TTLL5: variants seen among roughly 807,000 people sequenced by gnomAD.
TTLL5 encodes the protein tubulin polyglutamylase TTLL5.
Under a neutral mutation model 168.4 loss-of-function variants are expected in TTLL5, and 132 were observed. That is an observed-to-expected ratio of 0.78 (90% CI 0.68 to 0.91). The LOEUF (loss-of-function observed/expected upper bound fraction) is 0.91, where lower values mean the gene tolerates loss of function less well. Ranked by LOEUF, TTLL5 falls within the 40% of genes least tolerant of loss-of-function variation. TTLL5 has a pLI of 0.00. For missense variants in TTLL5, 1,545 were observed against 1,581.5 expected, an observed-to-expected ratio of 0.98 and a Z score of 0.39; for synonymous variants, 546 against 558.6, an observed-to-expected ratio of 0.98 and a Z score of 0.32.
At chr14:75,708,097 T>A (rs1477850517) in intron 9 of TTLL5, among the ~76,000 whole-genome samples, 1 of 152,214 alleles carries the variant, frequency 6.6e-6, no homozygotes, top group Non-Finnish European at 1.5e-5. Context: ...TACCTGTATT[T>A]GCCTATTATA....
intron 9 of TTLL5, among the ~76,000 whole-genome samples, chr14:75,715,541 A>C (rs905026760): frequency 6.6e-6 from 1 of 152,162 alleles, no homozygotes; most frequent in South Asian, 2.1e-4. Context: ...ATAAGCTCTT[A>C]CTGGGGTAGG....
chr14:75,689,352 C>T (rs1885286985), intron 5 of TTLL5: 1 of 152,218 alleles, frequency 6.6e-6, no homozygotes, highest in African/African-American at 2.4e-5. Flanking sequence ...TTCCTGGCCC[C>T]AGAAACTATG....
intron 15 of TTLL5, among the ~76,000 whole-genome samples, chr14:75,740,443 A>C (rs1204167930): frequency 6.6e-6 from 1 of 152,006 alleles, no homozygotes; most frequent in African/African-American, 2.4e-5. Context: ...CTAAACTGGT[A>C]CCTCCTCAGT....
Position 75,820,061 on chromosome 14 carries a change from C to T in TTLL5, c.3226C>T (p.Pro1076Ser). The T allele has an allele frequency of 1.9e-6, 3 of 1,607,876 alleles. No individual in the cohort carries two copies. The highest frequency in any genetic ancestry group is 1.7e-6 in the Non-Finnish European group (2 of 1,177,434). ...GIINRSSASA[P>S]PTLRPIISPS... Reference sequence around the variant, plus strand: ...CATAAACAGAAGCAGTGCTTCAGCTCCCCCAACCCTCCGACCCATCATCAG... The same window carrying T: ...CATAAACAGAAGCAGTGCTTCAGCTTCCCCAACCCTCCGACCCATCATCAG... Residue 1076 changes from proline (P) to serine (S), a missense_variant, in exon 28 of 32, where the codon CCC becomes TCC. Transcript: ENST00000298832.
chr14:75,925,162 A>C (rs2140149313), intron 31 of TTLL5, among the ~76,000 whole-genome samples: 1 of 128,996 alleles, frequency 7.8e-6, no homozygotes, highest in Non-Finnish European at 1.6e-5. Flanking sequence ...TCCCTCCCGG[A>C]CGGGGCGGCT....
intron 1 of TTLL5, 190 bp downstream of exon 1, chr14:75,661,577 T>TTGGGGTGAGC (rs1240377660): frequency 2.0e-5 from 3 of 152,272 alleles, no homozygotes; most frequent in African/African-American, 7.2e-5. Flanking sequence ...CTACGTGGGA[T>TTGGGGTGAGC]TGGGGTGAGC....
At chr14:75,880,138 GGAGA>G (rs58469251) in intron 29 of TTLL5, among the ~76,000 whole-genome samples, 7 of 150,516 alleles carry the variant, frequency 4.7e-5, no homozygotes, top group Admixed American at 2.0e-4. Context: ...GCAGATACTA[GGAGA>G]GAGAGAGAGA....
Position 75,867,768 on chromosome 14 carries a change from A to G in TTLL5, c.3522+3906A>G, listed in dbSNP as rs149533584. ...GATTGAGACTGTCTCCAAAAAAAAAAAAAAAGCAAAAAAAAAATTTCAGGA... is the reference window on the plus strand; with the variant it reads ...GATTGAGACTGTCTCCAAAAAAAAAGAAAAAGCAAAAAAAAAATTTCAGGA... On this transcript the variant is annotated intron_variant, in intron 29 of 31. Transcript: ENST00000298832. Among the ~76,000 whole-genome samples, 38 of 152,142 alleles carry G rather than the reference A, an allele frequency of 2.5e-4. No individual in the cohort carries two copies. In the East Asian group the frequency reaches 7.1e-3, roughly 29 times the overall value.
chr14:75,820,202 G>A, intron 28 of TTLL5, 41 bp downstream of exon 28: 1 of 1,524,968 alleles, frequency 6.6e-7, no homozygotes. Context: ...GGTTACTCAG[G>A]GATGGCCTGT....
At chr14:75,897,292 A>T (rs939856535) in intron 30 of TTLL5, among the ~76,000 whole-genome samples, 3 of 152,166 alleles carry the variant, frequency 2.0e-5, no homozygotes, top group Non-Finnish European at 4.4e-5. Context: ...CCAGCTGTGA[A>T]CATGTCCCAA....
intron 14 of TTLL5, 93 bp downstream of exon 14, chr14:75,734,143 C>A: frequency 8.4e-7 from 1 of 1,189,204 alleles, no homozygotes; most frequent in South Asian, 1.2e-5. Context: ...ACTGGCAGGT[C>A]CTAAGCCATG....
chr14:75,779,581 T>C lies in TTLL5; in HGVS notation c.2394T>C (p.Ala798=), dbSNP rs1891924947. The change falls in exon 24 of 32, where the codon GCT becomes GCC. Residue 798 remains alanine, a synonymous_variant. Coordinates refer to ENST00000298832, the MANE Select transcript of TTLL5 (RefSeq NM_015072.5). ...CTTTTTCTCCTCATTTCAGTGAGGC[T>C]GAACTGGAGGAGGTGTTGACTTTTT... is the stretch of plus-strand genomic sequence containing the variant. ...FQEFIRQASE[A]ELEEVLTFYT... 6.2e-7 allele frequency: 1 copy of C among 1,613,344 alleles called. No homozygotes were observed. The highest frequency in any genetic ancestry group is 8.5e-7 in the Non-Finnish European group (1 of 1,179,758).
intron 27 of TTLL5, among the ~76,000 whole-genome samples, chr14:75,811,156 A>AGAGTGTGTGTGT (rs60194482): frequency 0.037 from 4,362 of 116,474 alleles, 156 homozygotes; most frequent in Admixed American, 0.078. Flanking sequence ...TGAAAGAAAG[A>AGAGTGTGTGTGT]GTGTGTGTGT....
chr14:75,745,492 C>T lies in TTLL5; in HGVS notation c.1398C>T (p.Ile466=), dbSNP rs747412609. The change falls in exon 17 of 32, where the codon ATC becomes ATT. Residue 466 remains isoleucine (I), a splice_region_variant and synonymous_variant. Coordinates refer to ENST00000298832, the MANE Select transcript of TTLL5 (RefSeq NM_015072.5). ...ATTTTATCTTATTTTTCATCTAGAT[C>T]AAAGTTTTACGAAGGGTGAAGGAGG... ...GSVLGLSMEE[I]KVLRRVKEEN... The T allele has an allele frequency of 3.1e-5, 50 of 1,613,768 alleles. No individual in the cohort carries two copies. Among genetic ancestry groups the T allele is most frequent in the Non-Finnish European group, 4.2e-5 (50 of 1,179,934 alleles).
intron 26 of TTLL5, among the ~76,000 whole-genome samples, chr14:75,789,078 G>C (rs1311223365): frequency 2.0e-5 from 3 of 152,134 alleles, no homozygotes; most frequent in African/African-American, 7.2e-5. Flanking sequence ...AGCTCATTAG[G>C]AAGAGAAGGA....
chr14:75,923,770 A>G (rs1029073846), intron 31 of TTLL5, among the ~76,000 whole-genome samples: 5 of 152,052 alleles, frequency 3.3e-5, no homozygotes, highest in South Asian at 2.1e-4. Flanking sequence ...GTCCTTGTTA[A>G]TTTTCTGTCT....
chr14:75,801,353 A>C (rs533193501), intron 27 of TTLL5, among the ~76,000 whole-genome samples: 1 of 152,250 alleles, frequency 6.6e-6, no homozygotes, highest in South Asian at 2.1e-4. Context: ...CGCAGCCAAC[A>C]AGGCCAATCT....
intron 31 of TTLL5, among the ~76,000 whole-genome samples, chr14:75,926,838 TG>T (rs1482296853): frequency 3.3e-5 from 5 of 152,186 alleles, no homozygotes; most frequent in African/African-American, 1.2e-4. Context: ...TGAAAACATA[TG>T]TCCACATAAA....
intron 17 of TTLL5, 122 bp downstream of exon 17, chr14:75,745,703 T>C: frequency 1.4e-6 from 1 of 740,602 alleles, no homozygotes. Context: ...ATTTATAATA[T>C]GATAAATATT....
Sources: gnomAD v4.1 joint callset for allele counts (sites outside exome capture counted in the v4.1 genomes callset) on GRCh38, gnomAD v4.1.1 for gene constraint, MANE v1.5 for transcripts, NCBI Gene and HGNC (gene_info 2026-07-23, HGNC 2026-07-21) for gene names.